The following ANO2 variants were observed in gnomAD, a reference collection of about 807,000 sequenced individuals.
ANO2 encodes anoctamin-2.
In ANO2, 101 loss-of-function variants were observed where a neutral mutation model predicts 124.2. That is an observed-to-expected ratio of 0.81 (90% CI 0.69 to 0.96). The LOEUF (loss-of-function observed/expected upper bound fraction) is 0.96, where lower values mean the gene tolerates loss of function less well. Ranked by LOEUF, ANO2 falls within the 40% of genes least tolerant of loss-of-function variation. The pLI, the probability that ANO2 is intolerant of heterozygous loss-of-function variation, is 0.00. For synonymous variants in ANO2, 486 were observed against 482.5 expected (o/e 1.01, Z -0.09); for missense variants, 1,293 against 1,274.5 (o/e 1.01, Z -0.22).
chr12:5,647,831 C>T (rs762922843), intron 14 of ANO2, 30 bp from the exon 15 acceptor site: 13 of 1,525,424 alleles, frequency 8.5e-6, no homozygotes, highest in Non-Finnish European at 1.2e-5. Context: ...TAGAGACAAT[C>T]AGGAGGCACA....
At chr12:5,775,016 A>G (rs914777583) in intron 10 of ANO2, among the ~76,000 whole-genome samples, 1 of 152,188 alleles carries the variant, frequency 6.6e-6, no homozygotes, top group African/African-American at 2.4e-5. Context: ...TCCCCACTCT[A>G]TGCGTCAGAA....
At chr12:5,702,649 C>G (rs1030884601) in intron 14 of ANO2, among the ~76,000 whole-genome samples, 5 of 151,270 alleles carry the variant, frequency 3.3e-5, no homozygotes, top group Admixed American at 2.0e-4. Flanking sequence ...AAATAAATTC[C>G]AAGTATTTCC....
intron 3 of ANO2, among the ~76,000 whole-genome samples, chr12:5,892,855 T>G (rs1939504516): frequency 6.6e-6 from 1 of 152,200 alleles, no homozygotes; most frequent in Non-Finnish European, 1.5e-5. Context: ...AAATGTTAAC[T>G]GTCTGTGCAA....
intron 3 of ANO2, among the ~76,000 whole-genome samples, chr12:5,920,632 G>A (rs1053391767): frequency 2.6e-5 from 4 of 152,162 alleles, no homozygotes; most frequent in Non-Finnish European, 4.4e-5. Context: ...TTGGGAGGCC[G>A]AGGATGCCAG....
At chr12:5,747,528 C>T (rs1951303810) in intron 11 of ANO2, among the ~76,000 whole-genome samples, 1 of 152,134 alleles carries the variant, frequency 6.6e-6, no homozygotes, top group African/African-American at 2.4e-5. Flanking sequence ...TTACACCTTC[C>T]TGACTTGCCA....
At chr12:5,764,697 C>A (rs1951829803) in intron 10 of ANO2, among the ~76,000 whole-genome samples, 2 of 151,584 alleles carry the variant, frequency 1.3e-5, no homozygotes, top group African/African-American at 2.4e-5. Context: ...TCGCCCCCAG[C>A]CCCGCCCTCC....
intron 7 of ANO2, 155 bp downstream of exon 7, chr12:5,827,614 C>A: frequency 2.3e-6 from 2 of 882,760 alleles, no homozygotes; most frequent in South Asian, 3.0e-5. Flanking sequence ...GCTCCTGGGG[C>A]CAAGGCAGGC....
chr12:5,604,078 G>A (rs1293572975), intron 19 of ANO2, among the ~76,000 whole-genome samples: 2 of 152,146 alleles, frequency 1.3e-5, no homozygotes, highest in African/African-American at 2.4e-5. Context: ...AGAGTCTGGG[G>A]TGATAGCAAC....
intron 20 of ANO2, among the ~76,000 whole-genome samples, chr12:5,591,232 CAG>C (rs920404557): frequency 3.3e-5 from 5 of 152,288 alleles, no homozygotes; most frequent in African/African-American, 9.6e-5. Context: ...GGGAAAATCA[CAG>C]AGTGATTGCC....
intron 3 of ANO2, among the ~76,000 whole-genome samples, chr12:5,895,159 T>C (rs539294411): frequency 2.0e-5 from 3 of 152,312 alleles, no homozygotes; most frequent in African/African-American, 7.2e-5. Flanking sequence ...TGTCCTCTCT[T>C]ATTTCCTTCA....
Position 5,804,625 on chromosome 12 carries a change from T to C in ANO2, c.990+1427A>G, listed in dbSNP as rs3782657. 1.6e-4 allele frequency among the ~76,000 whole-genome samples: 25 copies of C among 152,366 alleles called. No individual in the cohort carries two copies. In the East Asian group the frequency reaches 4.4e-3, roughly 27 times the overall value. Reference sequence around the variant, plus strand: ...GGTGGAGTGGACCCTGACTTCATTATATCAGCCAAAGAGAAACATTTTCTG... The same window carrying C: ...GGTGGAGTGGACCCTGACTTCATTACATCAGCCAAAGAGAAACATTTTCTG... On this transcript the variant is annotated intron_variant, in intron 9 of 24. Coordinates refer to ENST00000682330, the MANE Select transcript of ANO2 (RefSeq NM_001364791.2).
At chr12:5,875,505 C>T (rs866000344) in intron 3 of ANO2, among the ~76,000 whole-genome samples, 24 of 152,236 alleles carry the variant, frequency 1.6e-4, no homozygotes, top group African/African-American at 5.5e-4. Context: ...TAACCATCCC[C>T]GACTGATGGC....
intron 19 of ANO2, among the ~76,000 whole-genome samples, chr12:5,603,038 A>G (rs1276188672): frequency 6.6e-6 from 1 of 152,216 alleles, no homozygotes; most frequent in Non-Finnish European, 1.5e-5. Context: ...TGGAGGATGA[A>G]TTTCACCAAC....
rs1226261889 is a variant in ANO2 at position 5,577,967 on chromosome 12, A to G, written c.2427T>C (p.Ser809=). ...FDILSGIGKF[S]VISNAFVIAI... is the part of the protein sequence containing the mutation. Reference sequence around the variant, plus strand: ...TGCAAGTACTTACGTTGCTGATAACAGAGAACTTGCCAATTCCAGAGAGAA... The same window carrying G: ...TGCAAGTACTTACGTTGCTGATAACGGAGAACTTGCCAATTCCAGAGAGAA... Residue 809 remains serine, a synonymous_variant, in exon 22 of 25, where the codon TCT becomes TCC. Coordinates refer to ENST00000682330, the MANE Select transcript of ANO2 (RefSeq NM_001364791.2). 1.2e-6 allele frequency: 2 copies of G among 1,613,880 alleles called. No individual in the cohort carries two copies. Among genetic ancestry groups the G allele is most frequent in the Non-Finnish European group, 8.5e-7 (1 of 1,179,778 alleles).
intron 15 of ANO2, among the ~76,000 whole-genome samples, chr12:5,637,910 C>T (rs985053483): frequency 2.6e-5 from 4 of 152,118 alleles, no homozygotes; most frequent in African/African-American, 9.7e-5. Context: ...AACCCAGTCA[C>T]GTGACCATTT....
chr12:5,813,053 GAGGA>G (rs147780677), intron 7 of ANO2, among the ~76,000 whole-genome samples: 54 of 74,132 alleles, frequency 7.3e-4, no homozygotes, highest in Non-Finnish European at 5.2e-4. Context: ...AAGAAAGAAA[GAGGA>G]AGGAAGGAAG....
intron 16 of ANO2, among the ~76,000 whole-genome samples, chr12:5,631,664 G>A (rs1049859079): frequency 1.3e-5 from 2 of 152,216 alleles, no homozygotes; most frequent in African/African-American, 4.8e-5. Context: ...GAGGCCAGAA[G>A]AGGATTTACA....
At position 5,807,338 on chromosome 12, in the gene ANO2, T is replaced by C. The variant is rs559533457; in HGVS notation, c.923A>G (p.Tyr308Cys). 7 of 1,556,306 alleles carry C rather than the reference T, an allele frequency of 4.5e-6. No homozygotes were observed. The highest frequency in any genetic ancestry group is 6.1e-6 in the Non-Finnish European group (7 of 1,149,666). Residue 308 changes from tyrosine (Y) to cysteine (C), a missense_variant, in exon 8 of 25, where the codon TAT becomes TGT. Coordinates refer to ENST00000682330, the MANE Select transcript of ANO2 (RefSeq NM_001364791.2). Reference sequence around the variant, plus strand: ...GTCATGAAGAGGGTAGGCAGCCTCATAGATATTGTTTGCGATCAGAGAGTT... The same window carrying C: ...GTCATGAAGAGGGTAGGCAGCCTCACAGATATTGTTTGCGATCAGAGAGTT... ...GINSLIANNIYEAAYPLHDGE... is the reference protein window; with the variant it reads ...GINSLIANNICEAAYPLHDGE...
chr12:5,754,862 G>C (rs1356923615), intron 10 of ANO2, among the ~76,000 whole-genome samples: 1 of 151,712 alleles, frequency 6.6e-6, no homozygotes, highest in Non-Finnish European at 1.5e-5. Context: ...CAAACTCTTA[G>C]CTTCATCAAT....
Sources: allele counts gnomAD v4.1 joint callset (sites outside exome capture counted in the v4.1 genomes callset), GRCh38; gene constraint gnomAD v4.1.1; transcripts MANE v1.5; gene names NCBI Gene and HGNC (gene_info 2026-07-23, HGNC 2026-07-21).